The following MACROD2 variants were observed in gnomAD, a reference collection of about 807,000 sequenced individuals.
MACROD2 encodes the protein mono-ADP ribosylhydrolase 2, also known as ADP-ribose glycohydrolase MACROD2.
MACROD2 carries 36 observed loss-of-function variants against 70.4 expected under a neutral mutation model. The ratio of observed to expected loss-of-function variants is 0.51; its 90% CI spans 0.39 to 0.68. The LOEUF is 0.68. Ranked by LOEUF, MACROD2 falls within the 30% of genes least tolerant of loss-of-function variation. MACROD2 has a pLI of 0.00. For missense variants in MACROD2, 496 were observed against 538.4 expected, an observed-to-expected ratio of 0.92 and a Z score of 0.78; for synonymous variants, 172 against 178.8, an observed-to-expected ratio of 0.96 and a Z score of 0.30.
chr20:14,771,737 TACACACAC>T (rs11472593), intron 5 of MACROD2, among the ~76,000 whole-genome samples: 4,940 of 145,614 alleles, frequency 0.034, 119 homozygotes, highest in Non-Finnish European at 0.049. Flanking sequence ...ATACTTATCC[TACACACAC>T]ACACACACAC....
At chr20:14,479,462 T>G (rs2084637338) in intron 3 of MACROD2, among the ~76,000 whole-genome samples, 1 of 152,168 alleles carries the variant, frequency 6.6e-6, no homozygotes, top group African/African-American at 2.4e-5. Context: ...TGCCTTCTGT[T>G]GCTACATTGG....
chr20:14,629,953 G>A (rs2423836), intron 4 of MACROD2, among the ~76,000 whole-genome samples: 29,837 of 150,300 alleles, frequency 0.2, 3,079 homozygotes, highest in East Asian at 0.25. Context: ...ATGTGCTAAG[G>A]TCTATCTATC....
chr20:15,415,515 G>T (rs149068345), intron 6 of MACROD2, among the ~76,000 whole-genome samples: 1 of 152,142 alleles, frequency 6.6e-6, no homozygotes, highest in South Asian at 2.1e-4. Context: ...CACTTTAAAG[G>T]AATATAACAC....
In MACROD2 at chr20:14,147,463, T is replaced by C. The variant is rs145969046; in HGVS notation, c.271+61735T>C. ...AGGTACTTCTGTAGTAAGCTCCTAA[T>C]GTTAACTATCATCATTATTTAAATT... On this transcript the variant is annotated intron_variant, in intron 3 of 17. Coordinates refer to ENST00000684519, the MANE Select transcript of MACROD2 (RefSeq NM_001351661.2). Among the ~76,000 whole-genome samples, 12 of 152,304 alleles carry C rather than the reference T, an allele frequency of 7.9e-5. No homozygotes were observed. The East Asian group carries it at 2.1e-3, about 27-fold the overall frequency.
intron 3 of MACROD2, among the ~76,000 whole-genome samples, chr20:14,299,301 AT>A (rs1245596464): frequency 1.3e-5 from 2 of 152,312 alleles, no homozygotes; most frequent in South Asian, 2.1e-4. Flanking sequence ...GCAATAAAGT[AT>A]TTTTTAATTG....
intron 3 of MACROD2, among the ~76,000 whole-genome samples, chr20:14,156,260 T>G (rs1268338192): frequency 6.6e-6 from 1 of 152,250 alleles, no homozygotes; most frequent in Non-Finnish European, 1.5e-5. Context: ...TTGTTATAGC[T>G]CTTTCACTGC....
intron 5 of MACROD2, among the ~76,000 whole-genome samples, chr20:15,215,146 G>T (rs948606078): frequency 2.0e-5 from 3 of 151,674 alleles, no homozygotes; most frequent in African/African-American, 7.3e-5. Flanking sequence ...AAAATAAATC[G>T]GGCTTAAAAC....
chr20:14,920,537 A>T (rs898999153), intron 5 of MACROD2, among the ~76,000 whole-genome samples: 1 of 151,942 alleles, frequency 6.6e-6, no homozygotes, highest in African/African-American at 2.4e-5. Context: ...CTCTCATTTA[A>T]TTTTTTCTTC....
intron 3 of MACROD2, among the ~76,000 whole-genome samples, chr20:14,357,006 T>G (rs1001516592): frequency 6.6e-6 from 1 of 152,172 alleles, no homozygotes; most frequent in African/African-American, 2.4e-5. Context: ...GTGCATCACA[T>G]TTTTATAACC....
chr20:14,325,794 T>G, intron 3 of MACROD2: 1 of 1,613,932 alleles, frequency 6.2e-7, no homozygotes, highest in Non-Finnish European at 8.5e-7. Flanking sequence ...AGTCATCCTT[T>G]CTTCTCCTCC....
chr20:14,518,795 A>G (rs1053803070), intron 4 of MACROD2, among the ~76,000 whole-genome samples: 1 of 152,188 alleles, frequency 6.6e-6, no homozygotes, highest in African/African-American at 2.4e-5. Context: ...ATCAGCACTC[A>G]TAGGATATAA....
chr20:15,358,031 A>C (rs1414395046), intron 6 of MACROD2, among the ~76,000 whole-genome samples: 1 of 151,882 alleles, frequency 6.6e-6, no homozygotes, highest in Non-Finnish European at 1.5e-5. Flanking sequence ...GATGGTCTCT[A>C]TCTCCTGACC....
intron 5 of MACROD2, among the ~76,000 whole-genome samples, chr20:14,867,459 C>A (rs1411639796): frequency 6.6e-6 from 1 of 151,960 alleles, no homozygotes; most frequent in Non-Finnish European, 1.5e-5. Flanking sequence ...AGTTTCATGC[C>A]TATGAAAGAG....
At chr20:15,181,127 G>A (rs950000752) in intron 5 of MACROD2, among the ~76,000 whole-genome samples, 1 of 152,144 alleles carries the variant, frequency 6.6e-6, no homozygotes, top group Admixed American at 6.5e-5. Flanking sequence ...TGCAGAACCC[G>A]AGTATAGAAA....
At chr20:14,348,916 G>C (rs1310302005) in intron 3 of MACROD2, among the ~76,000 whole-genome samples, 3 of 151,804 alleles carry the variant, frequency 2.0e-5, no homozygotes, top group African/African-American at 7.3e-5. Context: ...AAAAATACAA[G>C]AATTAGCTGG....
At chr20:14,403,041 T>A (rs2083655266) in intron 3 of MACROD2, among the ~76,000 whole-genome samples, 2 of 152,210 alleles carry the variant, frequency 1.3e-5, no homozygotes, top group African/African-American at 4.8e-5. Context: ...TATTTCCTTG[T>A]CTTATTTAAA....
At chr20:14,545,779 T>C (rs921899413) in intron 4 of MACROD2, among the ~76,000 whole-genome samples, 1 of 152,208 alleles carries the variant, frequency 6.6e-6, no homozygotes, top group African/African-American at 2.4e-5. Context: ...ATTGTATATG[T>C]CAGGTAACTA....
rs540794773 is a variant in MACROD2, at chr20:14,058,804, C to T, written c.164-26817C>T. ...GACTACAGGCATGTGCCACCACACC[C>T]AGCTAATTTTTGTATTTTTAGTAGA... On this transcript the variant is annotated intron_variant, in intron 2 of 17. Coordinates refer to ENST00000684519, the MANE Select transcript of MACROD2 (RefSeq NM_001351661.2). Among the ~76,000 whole-genome samples, 11 of 152,032 alleles carry T rather than the reference C, an allele frequency of 7.2e-5. No individual in the cohort carries two copies. The East Asian group carries it at 1.9e-3, about 27-fold the overall frequency.
intron 6 of MACROD2, among the ~76,000 whole-genome samples, chr20:15,232,239 G>A (rs1454283693): frequency 6.6e-6 from 1 of 151,904 alleles, no homozygotes; most frequent in Non-Finnish European, 1.5e-5. Flanking sequence ...ATTATGACTG[G>A]ATACATGTTT....
Sources: gnomAD v4.1 joint callset for allele counts (sites outside exome capture counted in the v4.1 genomes callset) on GRCh38, gnomAD v4.1.1 for gene constraint, MANE v1.5 for transcripts, NCBI Gene and HGNC (gene_info 2026-07-23, HGNC 2026-07-21) for gene names.